The following CFAP47 variants were observed in gnomAD, a reference collection of about 807,000 sequenced individuals.
The protein encoded by CFAP47 is cilia and flagella associated protein 47, also known as cilia- and flagella-associated protein 47.
A neutral mutation model predicts 148.1 loss-of-function variants in CFAP47; 29 were observed. The observed-to-expected ratio is 0.20, with a 90% confidence interval of 0.15 to 0.27. The LOEUF (loss-of-function observed/expected upper bound fraction) is 0.27. Among genes scored for constraint, CFAP47 ranks in the 10% least tolerant of loss-of-function variants. The pLI, the probability that CFAP47 is intolerant of heterozygous loss-of-function variation, is 1.00. For missense variants in CFAP47, 1,872 were observed against 1,697.5 expected (o/e 1.10, Z -1.81); for synonymous variants, 664 against 577.3 (o/e 1.15, Z -2.15).
chrX:36,256,290 C>T (rs73199317), intron 49 of CFAP47, among the ~76,000 whole-genome samples: 6,390 of 111,512 alleles, frequency 0.057, 160 homozygotes, highest in Middle Eastern at 0.13. Context: ...TGATTATATA[C>T]TTTATTAGTA....
At chrX:36,174,368 G>A (rs1310726147) in intron 39 of CFAP47, among the ~76,000 whole-genome samples, 4 of 107,185 alleles carry the variant, frequency 3.7e-5, no homozygotes, top group Non-Finnish European at 7.8e-5. Flanking sequence ...TATTTTGCTC[G>A]TTAGTTGATG....
chrX:36,265,823 T>C (rs1940884522), intron 49 of CFAP47, among the ~76,000 whole-genome samples: 1 of 112,026 alleles, frequency 8.9e-6, no homozygotes, highest in Non-Finnish European at 1.9e-5. Context: ...TCTTTCCATC[T>C]GTGAGGGCTG....
chrX:36,278,896 T>C (rs1277181118), intron 49 of CFAP47, among the ~76,000 whole-genome samples: 1 of 111,962 alleles, frequency 8.9e-6, no homozygotes, highest in Non-Finnish European at 1.9e-5. Context: ...CTAATGGCTG[T>C]CATATTGTAC....
At chrX:36,309,548 A>G (rs189015071) in intron 55 of CFAP47, among the ~76,000 whole-genome samples, 679 of 111,210 alleles carry the variant, frequency 6.1e-3, no homozygotes, top group African/African-American at 0.021. Context: ...ACCCAAGTGA[A>G]TAATGTAATC....
intron 52 of CFAP47, among the ~76,000 whole-genome samples, chrX:36,300,061 A>G: frequency 9.0e-6 from 1 of 111,477 alleles, no homozygotes; most frequent in East Asian, 2.8e-4. Context: ...TTTCTTTATC[A>G]GCATACATTA....
intron 49 of CFAP47, 41 bp from the exon 50 acceptor site, chrX:36,280,446 A>G: frequency 2.2e-6 from 1 of 447,037 alleles, no homozygotes; most frequent in South Asian, 3.6e-5. Flanking sequence ...TCAGAAAACT[A>G]AACCCTGATT....
intron 19 of CFAP47, among the ~76,000 whole-genome samples, chrX:35,998,460 C>A (rs1936874162): frequency 9.0e-6 from 1 of 111,353 alleles, no homozygotes; most frequent in Admixed American, 9.6e-5. Context: ...ACATCACCAT[C>A]AGAGCAGTTG....
At chrX:36,233,638 T>G (rs1940405224) in intron 46 of CFAP47, among the ~76,000 whole-genome samples, 1 of 111,820 alleles carries the variant, frequency 8.9e-6, no homozygotes, top group Non-Finnish European at 1.9e-5. Context: ...TTGTTATGTG[T>G]GAATTTGATC....
At chrX:36,027,024 C>T (rs974061497) in intron 22 of CFAP47, among the ~76,000 whole-genome samples, 3 of 106,029 alleles carry the variant, frequency 2.8e-5, no homozygotes, top group Admixed American at 1.0e-4. Context: ...CTTTTAGAAA[C>T]GTCTCTTTTC....
At chrX:35,924,273 A>G (rs182328957) in intron 1 of CFAP47, among the ~76,000 whole-genome samples, 8 of 100,667 alleles carry the variant, frequency 7.9e-5, no homozygotes, top group South Asian at 4.0e-4. Context: ...GTGTACATGT[A>G]TGTGTATATG....
intron 21 of CFAP47, among the ~76,000 whole-genome samples, chrX:36,012,827 A>G (rs1937054419): frequency 9.0e-6 from 1 of 111,554 alleles, no homozygotes; most frequent in African/African-American, 3.3e-5. Flanking sequence ...AACTTAAAAT[A>G]AAAAATTAAA....
At chrX:36,251,503 G>C in intron 49 of CFAP47, 59 bp downstream of exon 49, 2 of 430,092 alleles carry the variant, frequency 4.7e-6, no homozygotes, top group Non-Finnish European at 8.1e-6. Context: ...ATGGAAATAT[G>C]ATGAGACAAA....
At chrX:35,951,089 A>C in intron 4 of CFAP47, 42 bp from the exon 5 acceptor site, 2 of 941,403 alleles carry the variant, frequency 2.1e-6, no homozygotes, top group Non-Finnish European at 3.0e-6. Context: ...ATAGAATTCT[A>C]ATTAAAATAT....
intron 46 of CFAP47, among the ~76,000 whole-genome samples, chrX:36,231,941 C>G (rs1441017391): frequency 2.7e-5 from 3 of 111,428 alleles, no homozygotes; most frequent in Non-Finnish European, 5.7e-5. Context: ...ATTGAACCAG[C>G]CTTGCATCCC....
rs1358335739 is a variant in CFAP47, at chrX:36,104,576, C to A, written c.5205C>A (p.Val1735=). The part of the protein sequence containing the change: ...PPICVQNTPK[V]NPCFASSNIY... ...TATGTGTGCAAAATACACCAAAAGT[C>A]AATCCTTGTTTTGCATCCAGCAACA... is the stretch of plus-strand genomic sequence containing the variant. Residue 1735 remains valine (V), a synonymous_variant, in exon 33 of 64, where the codon GTC becomes GTA. Transcript: ENST00000378653. 2 of 990,953 alleles carry A rather than the reference C, an allele frequency of 2.0e-6. No homozygotes were observed. The highest frequency in any genetic ancestry group is 2.3e-5 in the Admixed American group (1 of 44,292). 81.7% of individuals were successfully genotyped at this position (990,953 alleles called of 1,213,427 possible).
At chrX:35,935,994 T>A (rs1393325895) in intron 2 of CFAP47, among the ~76,000 whole-genome samples, 4 of 112,114 alleles carry the variant, frequency 3.6e-5, no homozygotes, top group Non-Finnish European at 5.6e-5. Flanking sequence ...TGATTTTCTT[T>A]GAGTTTATCA....
At chrX:35,973,709 G>A (rs1233879301) in intron 13 of CFAP47, among the ~76,000 whole-genome samples, 3 of 111,330 alleles carry the variant, frequency 2.7e-5, no homozygotes, top group African/African-American at 9.8e-5. Flanking sequence ...ACCTACTAGT[G>A]CAGTGACATT....
chrX:35,968,466 G>T (rs1334489744), intron 10 of CFAP47, among the ~76,000 whole-genome samples: 2 of 111,651 alleles, frequency 1.8e-5, no homozygotes, highest in Admixed American at 1.9e-4. Flanking sequence ...GCTTATCTGG[G>T]CCCTGTGCCC....
At chrX:36,130,026 T>A (rs1938917217) in intron 33 of CFAP47, among the ~76,000 whole-genome samples, 1 of 111,387 alleles carries the variant, frequency 9.0e-6, no homozygotes. Context: ...CACAGCAAAA[T>A]CACAGTAAGT....
Sources: allele counts gnomAD v4.1 joint callset (sites outside exome capture counted in the v4.1 genomes callset), GRCh38; gene constraint gnomAD v4.1.1; transcripts MANE v1.5; gene names NCBI Gene and HGNC (gene_info 2026-07-23, HGNC 2026-07-21).